SLC44A1: variants seen among roughly 807,000 people sequenced by gnomAD.
The protein encoded by SLC44A1 is choline transporter-like protein 1.
Under a neutral mutation model 79.3 loss-of-function variants are expected in SLC44A1, and 26 were observed. The ratio of observed to expected loss-of-function variants is 0.33; its 90% CI spans 0.24 to 0.46. The LOEUF (loss-of-function observed/expected upper bound fraction) is 0.46, where lower values mean the gene tolerates loss of function less well. SLC44A1 is among the 20% of genes least tolerant of loss of function. The pLI is 1.00. For synonymous variants in SLC44A1, 263 were observed against 286.2 expected (o/e 0.92, Z 0.82); for missense variants, 688 against 798.1 (o/e 0.86, Z 1.66).
intron 15 of SLC44A1, among the ~76,000 whole-genome samples, chr9:105,427,904 AT>A (rs1234437442): frequency 6.6e-6 from 1 of 152,076 alleles, no homozygotes; most frequent in Non-Finnish European, 1.5e-5. Flanking sequence ...TTTAATTTGT[AT>A]TTTTTAGTAA....
exon 16 of SLC44A1, chr9:105,438,409 A>G (rs1326756127): frequency 1.1e-5 from 9 of 826,684 alleles, no homozygotes; most frequent in African/African-American, 1.7e-5. Context: ...TATTACTTCA[A>G]TGAAAGCATG....
chr9:105,367,425 T>C (rs1167604777), intron 12 of SLC44A1, among the ~76,000 whole-genome samples: 1 of 152,238 alleles, frequency 6.6e-6, no homozygotes, highest in Admixed American at 6.5e-5. Context: ...ATATTCCCTA[T>C]GGATGTACAA....
chr9:105,433,456 T>C (rs957904102), intron 15 of SLC44A1, among the ~76,000 whole-genome samples: 5 of 152,180 alleles, frequency 3.3e-5, no homozygotes, highest in African/African-American at 9.6e-5. Flanking sequence ...TCCCCTACTC[T>C]GTACAGTCAG....
chr9:105,280,411 T>G (rs184690660), intron 1 of SLC44A1, among the ~76,000 whole-genome samples: 65 of 152,318 alleles, frequency 4.3e-4, no homozygotes, highest in Non-Finnish European at 8.2e-4. Context: ...TGCTGGTGCT[T>G]GGGAAGTACT....
At chr9:105,362,643 A>C (rs780316771) in intron 8 of SLC44A1, among the ~76,000 whole-genome samples, 178 bp from the exon 9 acceptor site, 1 of 152,244 alleles carries the variant, frequency 6.6e-6, no homozygotes, top group Non-Finnish European at 1.5e-5. Flanking sequence ...CTTGGTAACC[A>C]TAATATAAAA....
intron 1 of SLC44A1, among the ~76,000 whole-genome samples, chr9:105,282,705 T>C (rs368742204): frequency 2.6e-5 from 4 of 152,012 alleles, no homozygotes; most frequent in Admixed American, 6.5e-5. Context: ...TGCGCCACCA[T>C]GCCCGGCTAA....
chr9:105,341,169 T>C, intron 4 of SLC44A1, among the ~76,000 whole-genome samples: 1 of 152,074 alleles, frequency 6.6e-6, no homozygotes, highest in Non-Finnish European at 1.5e-5. Context: ...ACCTCATCTC[T>C]ACTAAAACTA....
intron 15 of SLC44A1, among the ~76,000 whole-genome samples, chr9:105,415,512 C>G (rs1829156036): frequency 6.6e-6 from 1 of 152,158 alleles, no homozygotes; most frequent in South Asian, 2.1e-4. Flanking sequence ...GGCAGGAGTT[C>G]CAGCTGGAGC....
At chr9:105,246,978 T>A (rs1418567990) in intron 1 of SLC44A1, among the ~76,000 whole-genome samples, 1 of 152,228 alleles carries the variant, frequency 6.6e-6, no homozygotes, top group Non-Finnish European at 1.5e-5. Flanking sequence ...ATTTTTTTCC[T>A]GTGGATTCCT....
intron 1 of SLC44A1, among the ~76,000 whole-genome samples, chr9:105,271,403 T>C (rs1830073232): frequency 6.6e-6 from 1 of 152,010 alleles, no homozygotes; most frequent in Non-Finnish European, 1.5e-5. Flanking sequence ...TAATTCCAAG[T>C]GGGTGGAAGG....
chr9:105,370,822 G>A (rs1354932688), intron 12 of SLC44A1, among the ~76,000 whole-genome samples: 8 of 152,172 alleles, frequency 5.3e-5, no homozygotes, highest in Non-Finnish European at 1.2e-4. Context: ...TTCCCATTGA[G>A]GGCGGGAGTG....
intron 1 of SLC44A1, among the ~76,000 whole-genome samples, chr9:105,271,448 A>G (rs570567827): frequency 2.0e-5 from 3 of 152,194 alleles, no homozygotes; most frequent in Non-Finnish European, 4.4e-5. Flanking sequence ...AGGATGAATA[A>G]TGACTTCGTT....
chr9:105,380,469 G>A (rs540116517), intron 13 of SLC44A1, among the ~76,000 whole-genome samples: 44 of 152,038 alleles, frequency 2.9e-4, no homozygotes, highest in African/African-American at 1.0e-3. Flanking sequence ...GGTGTGAGCT[G>A]CCATGCCCAG....
intron 15 of SLC44A1, among the ~76,000 whole-genome samples, chr9:105,420,703 A>G (rs113896136): frequency 0.041 from 6,163 of 151,962 alleles, 407 homozygotes; most frequent in African/African-American, 0.14. Flanking sequence ...CTCTACTAAA[A>G]ATACAAAATT....
chr9:105,310,110 A>G (rs1448020697), intron 3 of SLC44A1, among the ~76,000 whole-genome samples: 1 of 152,008 alleles, frequency 6.6e-6, no homozygotes, highest in Non-Finnish European at 1.5e-5. Flanking sequence ...ACCCATGTTA[A>G]TGGGTAAAGG....
At chr9:105,306,790 C>T (rs1047958102) in intron 2 of SLC44A1, among the ~76,000 whole-genome samples, 8 of 151,904 alleles carry the variant, frequency 5.3e-5, no homozygotes, top group African/African-American at 1.9e-4. Context: ...AATCAGAAAC[C>T]ACTTAAAGGT....
downstream of SLC44A1, among the ~76,000 whole-genome samples, chr9:105,399,017 C>T (rs1235510599): frequency 1.3e-5 from 2 of 152,210 alleles, no homozygotes; most frequent in Non-Finnish European, 2.9e-5. Context: ...CTGTCCTGGG[C>T]TGCATGCGTC....
In SLC44A1 at chr9:105,309,777, A is replaced by G; in HGVS notation, c.180A>G (p.Ser60=). The change falls in exon 3 of 16, where the codon TCA becomes TCG. Residue 60 remains serine (S), a synonymous_variant. Coordinates refer to ENST00000374720, the MANE Select transcript of SLC44A1 (RefSeq NM_080546.5). ...CAGGTGCAGCAGCAAGACTAGTGTCAGGATACGACAGCTATGGAAATATCT... is the reference window on the plus strand; with the variant it reads ...CAGGTGCAGCAGCAAGACTAGTGTCGGGATACGACAGCTATGGAAATATCT... ...IATGAAARLV[S]GYDSYGNICG... is the part of the protein sequence containing the mutation. 6.2e-7 allele frequency: 1 copy of G among 1,613,902 alleles called. No individual in the cohort carries two copies. The highest frequency in any genetic ancestry group is 8.5e-7 in the Non-Finnish European group (1 of 1,179,820).
At chr9:105,418,314 C>CAAAAAAAAAAAAAAA (rs10617928) in intron 15 of SLC44A1, among the ~76,000 whole-genome samples, 2 of 57,932 alleles carry the variant, frequency 3.5e-5, no homozygotes, top group African/African-American at 9.9e-5. Flanking sequence ...AACTCCGTCT[C>CAAAAAAAAAAAAAAA]AAAAAAAAAA....
Sources: gnomAD v4.1 joint callset for allele counts (sites outside exome capture counted in the v4.1 genomes callset) on GRCh38, gnomAD v4.1.1 for gene constraint, MANE v1.5 for transcripts, NCBI Gene and HGNC (gene_info 2026-07-23, HGNC 2026-07-21) for gene names.